The following SNX30 variants were observed in gnomAD, a reference collection of about 807,000 sequenced individuals.
The protein encoded by SNX30 is sorting nexin family member 30.
Under a neutral mutation model 46.4 loss-of-function variants are expected in SNX30, and 24 were observed. The observed-to-expected ratio is 0.52, with a 90% CI of 0.37 to 0.73. The LOEUF is 0.73. Among genes scored for constraint, SNX30 ranks in the 30% least tolerant of loss-of-function variants. The pLI, the probability that SNX30 is intolerant of heterozygous loss-of-function variation, is 0.00. For missense variants in SNX30, 533 were observed against 555.7 expected, an observed-to-expected ratio of 0.96 and a Z score of 0.41; for synonymous variants, 189 against 211.5, an observed-to-expected ratio of 0.89 and a Z score of 0.92.
rs1026143886 is a variant in SNX30, at chr9:112,788,173, C to G, written c.157-16603C>G. ...CTGCTATTGGAAGTTGAGTCCTGCC[C>G]TGTTCCTCACTTGAGTGTTTTTTTT... On this transcript the variant is annotated intron_variant, in intron 1 of 8. Coordinates refer to ENST00000374232, the MANE Select transcript of SNX30 (RefSeq NM_001012994.2). Among the ~76,000 whole-genome samples the G allele has an allele frequency of 2.5e-4, 38 of 152,044 alleles. 1 individual carries two copies. The highest frequency in any genetic ancestry group is 2.8e-4 in the Non-Finnish European group (19 of 68,014).
chr9:112,817,401 CTTTTTTTTTTTTTTTTTT>C (rs56856142), intron 2 of SNX30, among the ~76,000 whole-genome samples: 4 of 46,832 alleles, frequency 8.5e-5, no homozygotes, highest in Non-Finnish European at 1.3e-4. Flanking sequence ...AAAAAACTGG[CTTTTTTTTTTTTTTTTTT>C]TTTTTTTTTT....
chr9:112,766,335 G>A (rs1839536555), intron 1 of SNX30, among the ~76,000 whole-genome samples: 1 of 149,720 alleles, frequency 6.7e-6, no homozygotes, highest in South Asian at 2.1e-4. Flanking sequence ...ACATTGGGTT[G>A]TTTCCTAAGC....
rs150794108 is a variant in SNX30, at chr9:112,862,697, T to C, written c.1102-1550T>C. Among the ~76,000 whole-genome samples, 858 of 151,322 alleles carry C rather than the reference T, an allele frequency of 5.7e-3. 9 individuals are homozygous for C. Among genetic ancestry groups the C allele is most frequent in the African/African-American group, 0.02 (815 of 41,272 alleles). ...TGGGAGGATCACTGGAGGCCAGGAGTTCGAGACCAGCCTGGACAACATAGC... is the reference window on the plus strand; with the variant it reads ...TGGGAGGATCACTGGAGGCCAGGAGCTCGAGACCAGCCTGGACAACATAGC... On this transcript the variant is annotated intron_variant, in intron 7 of 8. Transcript: ENST00000374232.
chr9:112,775,485 T>C (rs1839729433), intron 1 of SNX30, among the ~76,000 whole-genome samples: 1 of 151,914 alleles, frequency 6.6e-6, no homozygotes, highest in Non-Finnish European at 1.5e-5. Context: ...GAGTTCTTTA[T>C]ATATTCTGGA....
chr9:112,825,390 G>A (rs999508193), intron 3 of SNX30, among the ~76,000 whole-genome samples: 8 of 152,112 alleles, frequency 5.3e-5, no homozygotes, highest in African/African-American at 1.7e-4. Context: ...CAACTCCTGG[G>A]TTCAAGCAAT....
intron 1 of SNX30, among the ~76,000 whole-genome samples, chr9:112,768,305 A>G (rs1249481656): frequency 6.6e-6 from 1 of 152,160 alleles, no homozygotes; most frequent in Non-Finnish European, 1.5e-5. Flanking sequence ...GCCGACATCT[A>G]TTGCTTTAGA....
In SNX30 at chr9:112,830,878, G is replaced by T; in HGVS notation, c.613G>T (p.Ala205Ser). The T allele has an allele frequency of 1.2e-6, 2 of 1,607,964 alleles. No individual in the cohort carries two copies. The highest frequency in any genetic ancestry group is 8.5e-7 in the Non-Finnish European group (1 of 1,178,028). Reference sequence around the variant, plus strand: ...TGAACACTTTAATATTTTCCTTACTGCTAAGGTAAGGGCAGAAATTTACAT... The same window carrying T: ...TGAACACTTTAATATTTTCCTTACTTCTAAGGTAAGGGCAGAAATTTACAT... The part of the protein sequence containing the change: ...FNEHFNIFLT[A>S]KDLNAYKKQG... Residue 205 changes from alanine (A) to serine (S), a missense_variant, in exon 4 of 9, where the codon GCT becomes TCT. Transcript: ENST00000374232.
At chr9:112,763,473 C>T (rs1462383256) in intron 1 of SNX30, among the ~76,000 whole-genome samples, 8 of 145,022 alleles carry the variant, frequency 5.5e-5, no homozygotes, top group African/African-American at 2.0e-4. Context: ...CCTGCTACCT[C>T]GGCCTCCCAA....
intron 4 of SNX30, among the ~76,000 whole-genome samples, chr9:112,833,645 G>A (rs928159245): frequency 1.3e-5 from 2 of 152,140 alleles, no homozygotes; most frequent in African/African-American, 4.8e-5. Flanking sequence ...TATTCAACAT[G>A]TAAATTAACT....
chr9:112,879,637 A>G, downstream of SNX30: 1 of 844,450 alleles, frequency 1.2e-6, no homozygotes, highest in Non-Finnish European at 1.9e-6. Context: ...TCTGAGGCCA[A>G]CTCTGGCTGG....
chr9:112,804,680 T>G, intron 1 of SNX30, 96 bp from the exon 2 acceptor site: 1 of 1,143,328 alleles, frequency 8.7e-7, no homozygotes, highest in South Asian at 1.7e-5. Flanking sequence ...TTTTTGGGTT[T>G]TAGAAATGTT....
intron 2 of SNX30, among the ~76,000 whole-genome samples, chr9:112,806,781 G>T (rs1016542303): frequency 5.2e-5 from 7 of 135,068 alleles, no homozygotes; most frequent in Non-Finnish European, 7.5e-5. Flanking sequence ...AAAATTTGCT[G>T]TGTGTCCTTC....
chr9:112,865,098 AC>A (rs1404441030), intron 8 of SNX30, among the ~76,000 whole-genome samples: 3 of 74,496 alleles, frequency 4.0e-5, no homozygotes, highest in South Asian at 5.4e-4. Flanking sequence ...TACACCACAC[AC>A]CCCCCATACT....
chr9:112,832,455 A>AGT (rs1840676112), intron 4 of SNX30, among the ~76,000 whole-genome samples: 1 of 122,044 alleles, frequency 8.2e-6, no homozygotes, highest in African/African-American at 3.8e-5. Flanking sequence ...AGAGAGAGAG[A>AGT]GAGAGTGTGT....
intron 3 of SNX30, 117 bp from the exon 4 acceptor site, chr9:112,830,608 C>A: frequency 2.3e-6 from 2 of 886,292 alleles, no homozygotes; most frequent in Non-Finnish European, 3.4e-6. Flanking sequence ...TGAAGATCTG[C>A]CTGATTAAGA....
intron 1 of SNX30, among the ~76,000 whole-genome samples, chr9:112,756,118 C>T (rs1343861839): frequency 1.3e-5 from 2 of 151,982 alleles, no homozygotes; most frequent in Non-Finnish European, 2.9e-5. Context: ...ATGTTCCTAC[C>T]CCCAGATTAA....
At chr9:112,867,914 C>G (rs1270901282) in intron 8 of SNX30, among the ~76,000 whole-genome samples, 2 of 152,232 alleles carry the variant, frequency 1.3e-5, no homozygotes, top group Non-Finnish European at 2.9e-5. Context: ...AACTTGCCCT[C>G]TTTATGCAAG....
Position 112,838,556 on chromosome 9 carries a change from G to T in SNX30, c.873G>T (p.Glu291Asp). The change falls in exon 6 of 9, where the codon GAG becomes GAT. Residue 291 changes from glutamate (E) to aspartate (D), a missense_variant. Physicochemically the swap from Glu to Asp is conservative, Grantham distance 45. Coordinates refer to ENST00000374232, the MANE Select transcript of SNX30 (RefSeq NM_001012994.2). ...GPVYSTWSALEGELAEPLEGV... is the reference protein window; with the variant it reads ...GPVYSTWSALDGELAEPLEGV... The stretch of plus-strand genomic sequence containing the variant: ...TGTACTCCACATGGAGCGCCTTGGA[G>T]GGTGAGCTGGCTGAACCCCTGGAGG... 1 of 1,614,186 alleles carries T rather than the reference G, an allele frequency of 6.2e-7. No individual in the cohort carries two copies. Among genetic ancestry groups the T allele is most frequent in the Non-Finnish European group, 8.5e-7 (1 of 1,180,028 alleles).
At chr9:112,858,470 G>T (rs1478686866) in intron 7 of SNX30, among the ~76,000 whole-genome samples, 1 of 152,116 alleles carries the variant, frequency 6.6e-6, no homozygotes, top group African/African-American at 2.4e-5. Context: ...AGCTGTGATT[G>T]TGCCACTGCA....
Sources: allele counts gnomAD v4.1 joint callset (sites outside exome capture counted in the v4.1 genomes callset), GRCh38; gene constraint gnomAD v4.1.1; transcripts MANE v1.5; gene names NCBI Gene and HGNC (gene_info 2026-07-23, HGNC 2026-07-21).